The following RYR1 variants were observed in gnomAD, a reference collection of about 807,000 sequenced individuals.
RYR1 encodes the protein ryanodine receptor 1.
Under a neutral mutation model 583.5 loss-of-function variants are expected in RYR1, and 342 were observed. The observed-to-expected ratio is 0.59, with a 90% CI of 0.54 to 0.64. The LOEUF (loss-of-function observed/expected upper bound fraction) is 0.64, where lower values mean the gene tolerates loss of function less well. Ranked by LOEUF, RYR1 falls within the 30% of genes least tolerant of loss-of-function variation. RYR1 has a pLI of 0.00. For missense variants in RYR1, 6,032 were observed against 6,917.2 expected (o/e 0.87, Z 4.54); for synonymous variants, 2,791 against 2,822.5 (o/e 0.99, Z 0.35).
Position 38,543,812 on chromosome 19 carries a change from C to A in RYR1, c.11949C>A (p.Arg3983=). 2 of 1,613,972 alleles carry A rather than the reference C, an allele frequency of 1.2e-6. No individual in the cohort carries two copies. The highest frequency in any genetic ancestry group is 1.7e-6 in the Non-Finnish European group (2 of 1,180,038). The change falls in exon 87 of 106, where the codon CGC becomes CGA. Residue 3983 remains arginine (R), a synonymous_variant. Transcript: ENST00000359596. This position sits in a 1 kb window ranked among gnomAD's most constrained non-coding sequence, Gnocchi z 4.4. ...TGNQQSLAHS[R]LWDAVVGFLH... ...ACCAGCAGAGCCTGGCGCACAGTCG[C>A]CTATGGGACGCAGTGGTGGGATTCC...
intron 89 of RYR1, among the ~76,000 whole-genome samples, chr19:38,549,698 C>CTTTTTT (rs71165559): frequency 6.3e-4 from 33 of 52,440 alleles, no homozygotes; most frequent in Non-Finnish European, 7.3e-4. Context: ...CTTTCCTTTC[C>CTTTTTT]TTTTTTTTTT....
At chr19:38,570,551 C>A (rs1189340143) in intron 93 of RYR1, 56 bp from the exon 94 acceptor site, 16 of 1,363,456 alleles carry the variant, frequency 1.2e-5, no homozygotes, top group Non-Finnish European at 1.7e-5. Flanking sequence ...GGGATGAATT[C>A]TCCAGGGAAG....
At chr19:38,517,335 C>T in intron 65 of RYR1, 24 bp from the exon 66 acceptor site, 1 of 1,609,102 alleles carries the variant, frequency 6.2e-7, no homozygotes, top group Non-Finnish European at 8.5e-7. Context: ...CTTGACATTC[C>T]CTGCCCCCGT....
At chr19:38,536,100 CT>C (rs1971951709) in intron 82 of RYR1, 30 bp downstream of exon 82, 3 of 1,585,666 alleles carry the variant, frequency 1.9e-6, no homozygotes, top group East Asian at 2.2e-5. Context: ...TTCCCACCCC[CT>C]GAGACATCTT....
At chr19:38,528,758 C>A (rs746859859) in intron 75 of RYR1, 63 bp downstream of exon 75, 3 of 1,542,024 alleles carry the variant, frequency 1.9e-6, no homozygotes, top group Non-Finnish European at 2.7e-6. Context: ...CGGAGGCCAC[C>A]CTTGGCACAC....
At chr19:38,471,773 G>A (rs1460378924) in intron 27 of RYR1, among the ~76,000 whole-genome samples, 1 of 151,700 alleles carries the variant, frequency 6.6e-6, no homozygotes, top group African/African-American at 2.4e-5. Flanking sequence ...ATGGTGCCGG[G>A]CGCCTGTAAT....
At chr19:38,511,877 C>T (rs1970740180) in intron 61 of RYR1, among the ~76,000 whole-genome samples, 195 bp from the exon 62 acceptor site, 1 of 151,814 alleles carries the variant, frequency 6.6e-6, no homozygotes, top group South Asian at 2.1e-4. Context: ...AGGAGGAAGG[C>T]CAGGAGAGTG....
chr19:38,468,047 A>G (rs62118992), intron 25 of RYR1, among the ~76,000 whole-genome samples: 2 of 14,168 alleles, frequency 1.4e-4, no homozygotes, highest in Non-Finnish European at 4.3e-4. Flanking sequence ...CCATCCATCC[A>G]TCATCCATCC....
chr19:38,470,248 T>C (rs1968351876), intron 27 of RYR1, among the ~76,000 whole-genome samples: 1 of 151,378 alleles, frequency 6.6e-6, no homozygotes, highest in South Asian at 2.1e-4. Context: ...CAAGACCCTA[T>C]CTCAAAAAAA....
At chr19:38,460,220 T>A (rs1369219721) in intron 19 of RYR1, among the ~76,000 whole-genome samples, 155 bp from the exon 20 acceptor site, 1 of 152,156 alleles carries the variant, frequency 6.6e-6, no homozygotes, top group Non-Finnish European at 1.5e-5. Flanking sequence ...CTTTTATGAC[T>A]TCTAAATGAC....
chr19:38,547,611 T>TAG (rs1294087817), intron 88 of RYR1, among the ~76,000 whole-genome samples: 1 of 152,152 alleles, frequency 6.6e-6, no homozygotes, highest in African/African-American at 2.4e-5. Context: ...CATGACTTTC[T>TAG]CTATGTCTCA....
At chr19:38,548,116 TG>T in intron 88 of RYR1, 116 bp from the exon 89 acceptor site, 1 of 1,127,666 alleles carries the variant, frequency 8.9e-7, no homozygotes, top group East Asian at 2.5e-5. Context: ...GGGGAGGCTG[TG>T]GCTGGCCAGG....
chr19:38,521,188 G>A (rs916537605), intron 67 of RYR1, among the ~76,000 whole-genome samples: 1 of 152,100 alleles, frequency 6.6e-6, no homozygotes, highest in Non-Finnish European at 1.5e-5. Context: ...GCTGGGACTG[G>A]GAGGCTGAGG....
chr19:38,570,577 C>T (rs555605567), intron 93 of RYR1, 30 bp from the exon 94 acceptor site: 18 of 1,556,670 alleles, frequency 1.2e-5, no homozygotes, highest in South Asian at 7.8e-5. Flanking sequence ...GATCTGTGAG[C>T]GCTTTCTCTC....
rs2145711507 is a variant in RYR1 at position 38,525,347 on chromosome 19, C to T, written c.10471C>T (p.Gln3491Ter). Reference sequence around the variant, plus strand: ...GTCCCCACAGTCCGGTGGCTCGGACCAGGAACGCACCAAGAAGAAGCGCCG... The same window carrying T: ...GTCCCCACAGTCCGGTGGCTCGGACTAGGAACGCACCAAGAAGAAGCGCCG... The part of the protein sequence containing the change: ...AGDIQSGGSD[Q>*]ERTKKKRRGD... Residue 3491 changes from glutamine to a stop codon, truncating the protein, a stop_gained, in exon 71 of 106, where the codon CAG becomes TAG. Transcript: ENST00000359596. LOFTEE classifies it high-confidence loss of function. 4 of 1,613,918 alleles carry T rather than the reference C, an allele frequency of 2.5e-6. No homozygotes were observed. In the Admixed American group the frequency reaches 5.0e-5, roughly 20 times the overall value.
At chr19:38,507,402 G>C (rs942214238) in intron 57 of RYR1, among the ~76,000 whole-genome samples, 1 of 150,164 alleles carries the variant, frequency 6.7e-6, no homozygotes, top group Non-Finnish European at 1.5e-5. Flanking sequence ...AGGTACAGAG[G>C]GGCGGGGACT....
chr19:38,476,345 C>T (rs896095070), intron 29 of RYR1, among the ~76,000 whole-genome samples: 1 of 152,150 alleles, frequency 6.6e-6, no homozygotes, highest in African/African-American at 2.4e-5. Context: ...ACTATGGGCA[C>T]ACGCCACCAT....
At chr19:38,458,026 C>T (rs770248796) in intron 17 of RYR1, 25 bp from the exon 18 acceptor site, 1 of 1,612,116 alleles carries the variant, frequency 6.2e-7, no homozygotes, top group Non-Finnish European at 8.5e-7. Flanking sequence ...CGTCATCCCC[C>T]TCTCCTGTCC....
At chr19:38,549,875 T>TTGTGTGTGTGTG (rs150566334) in intron 89 of RYR1, among the ~76,000 whole-genome samples, 181 of 122,250 alleles carry the variant, frequency 1.5e-3, no homozygotes, top group Middle Eastern at 8.3e-3. Flanking sequence ...CCAGCTAAAT[T>TTGTGTGTGTGTG]TGTGTGTGTG....
Sources: gnomAD v4.1 joint callset for allele counts (sites outside exome capture counted in the v4.1 genomes callset) on GRCh38, gnomAD v4.1.1 for gene constraint, Gnocchi (gnomAD v3.1) non-coding constraint, MANE v1.5 for transcripts, NCBI Gene and HGNC (gene_info 2026-07-23, HGNC 2026-07-21) for gene names.